RBFOX1: variants seen among roughly 807,000 people sequenced by gnomAD.
RBFOX1 encodes the protein RNA binding protein fox-1 homolog 1.
RBFOX1 carries 8 observed loss-of-function variants against 57.7 expected under a neutral mutation model. That is an observed-to-expected ratio of 0.14 (90% CI 0.08 to 0.25). The LOEUF (loss-of-function observed/expected upper bound fraction) is 0.25. Ranked by LOEUF, RBFOX1 falls within the 10% of genes least tolerant of loss-of-function variation. The probability of loss-of-function intolerance (pLI) is 1.00; values close to 1 mark genes in which losing one functional copy is unlikely to be tolerated. For synonymous variants in RBFOX1, 326 were observed against 222.4 expected (o/e 1.47, Z -4.15); for missense variants, 611 against 548.5 (o/e 1.11, Z -1.14).
chr16:7,178,745 G>A (rs2082137447), intron 4 of RBFOX1, among the ~76,000 whole-genome samples: 1 of 152,148 alleles, frequency 6.6e-6, no homozygotes, highest in South Asian at 2.1e-4. Flanking sequence ...ATGTATTGCT[G>A]TCCTAAAAAG....
At chr16:6,914,836 C>G (rs2072701928) in intron 3 of RBFOX1, among the ~76,000 whole-genome samples, 1 of 152,178 alleles carries the variant, frequency 6.6e-6, no homozygotes, top group Admixed American at 6.5e-5. Context: ...TGCACTGAGC[C>G]AAGATCGCAA....
At chr16:6,717,263 C>T (rs2065015375) in intron 3 of RBFOX1, among the ~76,000 whole-genome samples, 1 of 152,258 alleles carries the variant, frequency 6.6e-6, no homozygotes, top group South Asian at 2.1e-4. Context: ...CCATTTCTGA[C>T]ATTATTTGAG....
intron 1 of RBFOX1, among the ~76,000 whole-genome samples, chr16:5,456,824 C>G (rs932585957): frequency 6.6e-6 from 1 of 152,196 alleles, no homozygotes; most frequent in Non-Finnish European, 1.5e-5. Flanking sequence ...CACCTAACCC[C>G]TTTCACATGG....
intron 2 of RBFOX1, among the ~76,000 whole-genome samples, chr16:6,637,430 T>TATAA (rs1555636558): frequency 5.5e-4 from 13 of 23,486 alleles, no homozygotes; most frequent in South Asian, 2.0e-3. Context: ...TATAAATATA[T>TATAA]TATATAAATA....
At chr16:7,019,390 G>A (rs551769629) in intron 3 of RBFOX1, among the ~76,000 whole-genome samples, 33 of 152,214 alleles carry the variant, frequency 2.2e-4, no homozygotes, top group African/African-American at 7.9e-4. Context: ...ATGAAAGTAT[G>A]TGTGTGTTTG....
intron 1 of RBFOX1, among the ~76,000 whole-genome samples, chr16:6,219,755 A>C (rs1201674823): frequency 6.6e-6 from 1 of 152,152 alleles, no homozygotes; most frequent in Non-Finnish European, 1.5e-5. Context: ...GGGTGCCAGT[A>C]ATCCCAGCTA....
chr16:7,104,392 G>C (rs945513936), intron 4 of RBFOX1, among the ~76,000 whole-genome samples: 1 of 152,212 alleles, frequency 6.6e-6, no homozygotes, highest in Non-Finnish European at 1.5e-5. Context: ...TCCCCATCAG[G>C]ACAGTATGCC....
intron 3 of RBFOX1, among the ~76,000 whole-genome samples, chr16:6,800,487 A>C (rs900253456): frequency 6.6e-6 from 1 of 152,178 alleles, no homozygotes; most frequent in African/African-American, 2.4e-5. Flanking sequence ...GGGTCGGAGC[A>C]TCTGCATTTC....
intron 3 of RBFOX1, among the ~76,000 whole-genome samples, chr16:6,664,207 C>A (rs1437020847): frequency 6.6e-6 from 1 of 151,368 alleles, no homozygotes; most frequent in Non-Finnish European, 1.5e-5. Flanking sequence ...ACCAGCAAAG[C>A]TTTTTGCTGT....
At chr16:7,404,531 T>G (rs2098302318) in intron 4 of RBFOX1, among the ~76,000 whole-genome samples, 1 of 152,172 alleles carries the variant, frequency 6.6e-6, no homozygotes, top group Non-Finnish European at 1.5e-5. Context: ...ATAGGTGCTA[T>G]TATCATTTCT....
chr16:5,706,261 G>A (rs947628257), intron 3 of RBFOX1, among the ~76,000 whole-genome samples: 1 of 152,312 alleles, frequency 6.6e-6, no homozygotes, highest in East Asian at 1.9e-4. Flanking sequence ...CGAAAGTTAC[G>A]AAAATGTGTA....
chr16:5,996,223 C>A (rs1338724615), intron 4 of RBFOX1, among the ~76,000 whole-genome samples: 1 of 152,148 alleles, frequency 6.6e-6, no homozygotes, highest in Non-Finnish European at 1.5e-5. Flanking sequence ...TGGTCATTTT[C>A]CACGAGCTCT....
intron 4 of RBFOX1, among the ~76,000 whole-genome samples, chr16:7,223,789 C>G (rs1045578451): frequency 2.0e-5 from 3 of 149,104 alleles, no homozygotes; most frequent in Admixed American, 1.3e-4. Flanking sequence ...TCATTTCTGT[C>G]TGATAGAAAT....
At chr16:6,891,799 C>A (rs1050042274) in intron 3 of RBFOX1, among the ~76,000 whole-genome samples, 1 of 152,152 alleles carries the variant, frequency 6.6e-6, no homozygotes, top group Admixed American at 6.6e-5. Flanking sequence ...CAAAATAGAG[C>A]AAAGGTTGAG....
At chr16:6,006,500 A>G (rs564483851) in intron 4 of RBFOX1, among the ~76,000 whole-genome samples, 2 of 152,352 alleles carry the variant, frequency 1.3e-5, no homozygotes, top group Admixed American at 6.5e-5. Context: ...GCCAACGTGG[A>G]CCATGACACA....
intron 4 of RBFOX1, among the ~76,000 whole-genome samples, chr16:5,933,743 A>G (rs2059115113): frequency 6.6e-6 from 1 of 151,486 alleles, no homozygotes; most frequent in South Asian, 2.1e-4. Flanking sequence ...AGTGTTTTTA[A>G]TAATGAAGTT....
chr16:7,676,906 C>G, intron 14 of RBFOX1, 68 bp downstream of exon 14: 1 of 1,453,442 alleles, frequency 6.9e-7, no homozygotes, highest in Non-Finnish European at 9.6e-7. Flanking sequence ...AGAGGAGATT[C>G]TTGTATGGTC....
At chr16:7,212,004 C>T (rs747995364) in intron 4 of RBFOX1, among the ~76,000 whole-genome samples, 3 of 152,154 alleles carry the variant, frequency 2.0e-5, no homozygotes, top group African/African-American at 4.8e-5. Flanking sequence ...CCCAAATAAC[C>T]TGCCTTGCCT....
intron 4 of RBFOX1, among the ~76,000 whole-genome samples, chr16:7,236,641 T>A (rs1183229151): frequency 1.3e-5 from 2 of 152,248 alleles, no homozygotes; most frequent in Non-Finnish European, 2.9e-5. Flanking sequence ...TCATGAAGTC[T>A]ATGTGGCTTT....
Sources: allele counts gnomAD v4.1 joint callset (sites outside exome capture counted in the v4.1 genomes callset), GRCh38; gene constraint gnomAD v4.1.1; transcripts MANE v1.5; gene names NCBI Gene and HGNC (gene_info 2026-07-23, HGNC 2026-07-21).